The following CABIN1 variants were observed in gnomAD, a reference collection of about 807,000 sequenced individuals.
CABIN1 encodes the protein calcineurin-binding protein cabin-1.
A neutral mutation model predicts 227.7 loss-of-function variants in CABIN1; 133 were observed. The observed-to-expected ratio is 0.58, with a 90% confidence interval of 0.51 to 0.67. CABIN1 has a LOEUF of 0.67. Among genes scored for constraint, CABIN1 ranks in the 30% least tolerant of loss-of-function variants. The probability of loss-of-function intolerance (pLI) is 0.00; values close to 1 mark genes in which losing one functional copy is unlikely to be tolerated. For synonymous variants in CABIN1, 1,086 were observed against 1,155.1 expected (o/e 0.94, Z 1.21); for missense variants, 2,408 against 2,852.5 (o/e 0.84, Z 3.55).
chr22:24,170,833 G>T (rs945434883), intron 33 of CABIN1, among the ~76,000 whole-genome samples: 1 of 151,930 alleles, frequency 6.6e-6, no homozygotes, highest in South Asian at 2.1e-4. Flanking sequence ...GGGGATGGGG[G>T]TGCTGTCAGC....
At chr22:24,056,440 T>C in intron 10 of CABIN1, 80 bp downstream of exon 10, 7 of 1,388,628 alleles carry the variant, frequency 5.0e-6, no homozygotes, top group Non-Finnish European at 7.2e-6. Context: ...TCTCATTCCA[T>C]TGCCACCCTC....
chr22:24,059,897 G>T, intron 11 of CABIN1, 27 bp from the exon 12 acceptor site: 7 of 1,604,278 alleles, frequency 4.4e-6, no homozygotes, highest in Non-Finnish European at 3.4e-6. Context: ...CTTTATTCAA[G>T]TCAGGTTGTT....
chr22:24,082,848 A>G (rs568107606), intron 19 of CABIN1, among the ~76,000 whole-genome samples: 2 of 152,352 alleles, frequency 1.3e-5, no homozygotes, highest in East Asian at 1.9e-4. Context: ...CAAGGACTAT[A>G]CCTATTTTAA....
At chr22:24,055,187 CG>C (rs758201100) in intron 9 of CABIN1, 28 bp downstream of exon 9, 1 of 1,603,510 alleles carries the variant, frequency 6.2e-7, no homozygotes, top group Non-Finnish European at 8.5e-7. Flanking sequence ...ATTTGGCTTC[CG>C]GGGAGACCCC....
In CABIN1 at chr22:24,062,907, G is replaced by T. The variant is rs546429328; in HGVS notation, c.1697-52G>T. On this transcript the variant is annotated intron_variant, in intron 13 of 36. Coordinates refer to ENST00000263119, the MANE Select transcript of CABIN1 (RefSeq NM_012295.4). Reference sequence around the variant, plus strand: ...CAAGTGCAACTTCTGAGAAGCAGAAGGGCATTAGAATGCTACACATGAAGT... The same window carrying T: ...CAAGTGCAACTTCTGAGAAGCAGAATGGCATTAGAATGCTACACATGAAGT... 3 of 1,568,004 alleles carry T rather than the reference G, an allele frequency of 1.9e-6. No homozygotes were observed. In the South Asian group the frequency reaches 3.3e-5, roughly 17 times the overall value.
intron 19 of CABIN1, among the ~76,000 whole-genome samples, chr22:24,076,716 A>G (rs192146922): frequency 5.9e-5 from 9 of 152,288 alleles, no homozygotes; most frequent in Admixed American, 3.3e-4. Flanking sequence ...TTCAATAGCT[A>G]TTATTACATC....
At position 24,108,981 on chromosome 22, in the gene CABIN1, C is replaced by T. The variant is rs536489419; in HGVS notation, c.4118-4585C>T. Among the ~76,000 whole-genome samples the T allele has an allele frequency of 3.3e-5, 5 of 152,310 alleles. No individual in the cohort carries two copies. In the South Asian group the frequency reaches 6.2e-4, roughly 19 times the overall value. ...TAAACTGACATTTTGTGAACCTTTACTGTTTGTTAGGCACTGATTCAAACA... is the reference window on the plus strand; with the variant it reads ...TAAACTGACATTTTGTGAACCTTTATTGTTTGTTAGGCACTGATTCAAACA... On this transcript the variant is annotated intron_variant, in intron 26 of 36. Transcript: ENST00000263119.
Position 24,171,730 on chromosome 22 carries a change from C to T in CABIN1, c.5775C>T (p.Pro1925=), listed in dbSNP as rs770028240. The stretch of plus-strand genomic sequence containing the variant: ...CCTCACAGGCCTCGGGGGACACCCC[C>T]ACCACTCCAAAGCACCCCAAAGACA... ...AAQRQASGDT[P]TTPKHPKDSR... is the part of the protein sequence containing the mutation. The change falls in exon 34 of 37, where the codon CCC becomes CCT. Residue 1925 remains proline, a synonymous_variant. Transcript: ENST00000263119. 4 of 1,614,154 alleles carry T rather than the reference C, an allele frequency of 2.5e-6. No homozygotes were observed. The highest frequency in any genetic ancestry group is 3.4e-6 in the Non-Finnish European group (4 of 1,180,030).
chr22:24,175,147 A>T (rs1024416172), intron 34 of CABIN1, among the ~76,000 whole-genome samples: 3 of 152,184 alleles, frequency 2.0e-5, no homozygotes, highest in African/African-American at 7.2e-5. Flanking sequence ...GCCTTTTGCC[A>T]GGATGGAACT....
chr22:24,169,220 A>G (rs2046641511), intron 33 of CABIN1, among the ~76,000 whole-genome samples: 1 of 152,130 alleles, frequency 6.6e-6, no homozygotes. Flanking sequence ...CAGAGAGAGC[A>G]GGTGTGCCCT....
intron 1 of CABIN1, among the ~76,000 whole-genome samples, chr22:24,019,480 G>C (rs2035555222): frequency 6.6e-6 from 1 of 150,912 alleles, no homozygotes; most frequent in African/African-American, 2.4e-5. Flanking sequence ...GTCTCGAACT[G>C]CTGACCTCAA....
intron 10 of CABIN1, 106 bp downstream of exon 10, chr22:24,056,466 CTCT>C (rs1044601640): frequency 9.8e-6 from 11 of 1,118,972 alleles, no homozygotes; most frequent in Admixed American, 1.8e-5. Context: ...TGGTCTCCTC[CTCT>C]GTGTTCCCAT....
At chr22:24,033,044 C>T (rs536394549) in intron 1 of CABIN1, among the ~76,000 whole-genome samples, 30 of 152,212 alleles carry the variant, frequency 2.0e-4, no homozygotes, top group Non-Finnish European at 4.0e-4. Context: ...CGCCACTGCA[C>T]TCCAGCCTAG....
At chr22:24,046,785 T>C (rs1230781020) in intron 6 of CABIN1, among the ~76,000 whole-genome samples, 1 of 152,196 alleles carries the variant, frequency 6.6e-6, no homozygotes, top group African/African-American at 2.4e-5. Context: ...TGTATAGTTC[T>C]AGTCCAAGTC....
intron 14 of CABIN1, 92 bp from the exon 15 acceptor site, chr22:24,063,943 C>T (rs1978750690): frequency 6.5e-7 from 1 of 1,541,832 alleles, no homozygotes; most frequent in Admixed American, 1.7e-5. Flanking sequence ...CTCATGGCCT[C>T]CACAGTCTAG....
chr22:24,048,523 C>T (rs755935052), intron 6 of CABIN1, among the ~76,000 whole-genome samples: 9 of 152,102 alleles, frequency 5.9e-5, no homozygotes, highest in African/African-American at 1.4e-4. Context: ...TGGGCTCAAA[C>T]GATTCTCCCA....
intron 29 of CABIN1, among the ~76,000 whole-genome samples, chr22:24,153,477 AG>A (rs1396938293): frequency 6.6e-6 from 1 of 152,200 alleles, no homozygotes; most frequent in African/African-American, 2.4e-5. Flanking sequence ...AGAATCCTCA[AG>A]GATCAGGGCA....
chr22:24,101,652 CT>C (rs1401439543), intron 26 of CABIN1: 2 of 152,320 alleles, frequency 1.3e-5, no homozygotes, highest in African/African-American at 4.8e-5. Flanking sequence ...CCCCATCTGC[CT>C]AACTTCTGCC....
intron 26 of CABIN1, chr22:24,103,432 G>C (rs1404353927): frequency 6.6e-6 from 1 of 152,218 alleles, no homozygotes; most frequent in Non-Finnish European, 1.5e-5. Flanking sequence ...ATGCTCTGAG[G>C]TGGGTCCTGT....
Sources: gnomAD v4.1 joint callset for allele counts (sites outside exome capture counted in the v4.1 genomes callset) on GRCh38, gnomAD v4.1.1 for gene constraint, MANE v1.5 for transcripts, NCBI Gene and HGNC (gene_info 2026-07-23, HGNC 2026-07-21) for gene names.